Variants in PCDHGA8 observed in about 807,000 individuals in gnomAD.
The protein encoded by PCDHGA8 is protocadherin gamma-A8.
PCDHGA8 carries 45 observed loss-of-function variants against 59.2 expected under a neutral mutation model. The ratio of observed to expected loss-of-function variants is 0.76; its 90% CI spans 0.60 to 0.98. PCDHGA8 has a LOEUF of 0.98. Ranked by LOEUF, PCDHGA8 falls within the 50% of genes least tolerant of loss-of-function variation. The pLI is 0.00. For synonymous variants in PCDHGA8, 531 were observed against 519.0 expected, an observed-to-expected ratio of 1.02 and a Z score of -0.32; for missense variants, 1,257 against 1,196.2, an observed-to-expected ratio of 1.05 and a Z score of -0.75.
At chr5:141,433,272 C>A in intron 1 of PCDHGA8, 1 of 1,252,410 alleles carries the variant, frequency 8.0e-7, no homozygotes, top group Non-Finnish European at 1.1e-6. Context: ...TAGCTCACTG[C>A]AGCCTCAAAC....
chr5:141,500,309 C>T (rs777434466), intron 2 of PCDHGA8, among the ~76,000 whole-genome samples: 2 of 151,602 alleles, frequency 1.3e-5, no homozygotes, highest in Non-Finnish European at 2.9e-5. Flanking sequence ...CCCAGGTTCA[C>T]GCCATGCTCC....
intron 1 of PCDHGA8, among the ~76,000 whole-genome samples, chr5:141,460,983 GTATATATATATA>G (rs59296681): frequency 7.3e-6 from 1 of 137,780 alleles, no homozygotes. Flanking sequence ...GTGTGTGTGT[GTATATATATATA>G]TGTGTATATA....
chr5:141,461,040 G>A (rs536064886), intron 1 of PCDHGA8, among the ~76,000 whole-genome samples: 123 of 150,514 alleles, frequency 8.2e-4, no homozygotes, highest in East Asian at 2.5e-3. Flanking sequence ...CTCATTAGTC[G>A]ATGGGGACTT....
chr5:141,510,954 T>G lies in PCDHGA8; in HGVS notation c.2580T>G (p.Ala860=), dbSNP rs774590102. The change falls in exon 4 of 4, where the codon GCT becomes GCG. Residue 860 remains alanine, a synonymous_variant. Coordinates refer to ENST00000398604, the MANE Select transcript of PCDHGA8 (RefSeq NM_032088.2). ...AMILASASEA[A]DGSSTLGGGA... ...CTTCCTCTGTCTCTGCAGAAGCTGC[T>G]GATGGGAGCTCCACCCTGGGAGGGG... is the stretch of plus-strand genomic sequence containing the variant. The G allele has an allele frequency of 3.1e-6, 5 of 1,614,162 alleles. No homozygotes were observed. The Admixed American group carries it at 8.3e-5, about 27-fold the overall frequency.
In PCDHGA8 at chr5:141,393,324, CA is replaced by C. The variant is rs2092729145; in HGVS notation, c.512del (p.Gln171ArgfsTer20). 6.2e-7 allele frequency: 1 copy of C among 1,611,096 alleles called. No homozygotes were observed. Among genetic ancestry groups the C allele is most frequent in the African/African-American group, 1.4e-5 (1 of 73,374 alleles). ...DVGVNSLQSY[Q>X]LSPNHHFSLD... is the part of the protein sequence containing the mutation. ...GGGCGTGAACTCCCTCCAGAGCTAC[CA>C]GCTCAGCCCCAATCACCACTTCTCC... On this transcript the variant is annotated frameshift_variant, in exon 1 of 4. Coordinates refer to ENST00000398604, the MANE Select transcript of PCDHGA8 (RefSeq NM_032088.2). LOFTEE classifies it high-confidence loss of function.
intron 1 of PCDHGA8, among the ~76,000 whole-genome samples, chr5:141,464,934 G>T (rs1353581045): frequency 1.3e-5 from 2 of 151,416 alleles, no homozygotes; most frequent in African/African-American, 4.8e-5. Flanking sequence ...GAGATGTGAG[G>T]TCTCACTATG....
chr5:141,438,631 TATATACACACAC>T (rs1290318462), intron 1 of PCDHGA8, among the ~76,000 whole-genome samples: 214 of 43,192 alleles, frequency 5.0e-3, no homozygotes, highest in Non-Finnish European at 6.1e-3. Flanking sequence ...TATATATATA[TATATACACACAC>T]ACACACACAT....
chr5:141,421,277 T>C (rs761435958), intron 1 of PCDHGA8: 2 of 1,612,826 alleles, frequency 1.2e-6, no homozygotes, highest in Non-Finnish European at 1.7e-6. Flanking sequence ...CTGCTGCTGC[T>C]GTGCATTTTC....
At chr5:141,494,729 C>A in intron 1 of PCDHGA8, 78 bp from the exon 2 acceptor site, 1 of 1,610,166 alleles carries the variant, frequency 6.2e-7, no homozygotes. Context: ...CCTTCTCTCC[C>A]GGCCCATCCC....
chr5:141,482,728 A>T (rs192207285), intron 1 of PCDHGA8, among the ~76,000 whole-genome samples: 97 of 128,396 alleles, frequency 7.6e-4, no homozygotes, highest in Admixed American at 3.3e-3. Context: ...GGGCCATTGC[A>T]AGAAATTCCA....
intron 1 of PCDHGA8, among the ~76,000 whole-genome samples, chr5:141,488,133 G>T (rs1046071550): frequency 6.6e-6 from 1 of 152,198 alleles, no homozygotes; most frequent in Non-Finnish European, 1.5e-5. Context: ...AGAAAGAGGA[G>T]AGAACTAAAG....
In PCDHGA8 at chr5:141,431,129, A is replaced by G. The variant is rs771219303; in HGVS notation, c.2424+35892A>G. The G allele has an allele frequency of 7.4e-6, 12 of 1,614,152 alleles. No homozygotes were observed. The Admixed American group carries it at 1.7e-4, about 22-fold the overall frequency. Reference sequence around the variant, plus strand: ...AATATATGGAGTAGAAGTAGAAGTAAGGGACATTAACGACAATGCGCCTTA... The same window carrying G: ...AATATATGGAGTAGAAGTAGAAGTAGGGGACATTAACGACAATGCGCCTTA... On this transcript the variant is annotated intron_variant, in intron 1 of 3. Coordinates refer to ENST00000398604, the MANE Select transcript of PCDHGA8 (RefSeq NM_032088.2). The surrounding 1 kb of genome is among the most constrained non-coding windows in gnomAD (Gnocchi z 4.8).
chr5:141,482,995 G>A (rs1395482427), intron 1 of PCDHGA8, among the ~76,000 whole-genome samples: 1 of 152,048 alleles, frequency 6.6e-6, no homozygotes, highest in Non-Finnish European at 1.5e-5. Flanking sequence ...CGAGGCAGGA[G>A]AATTGCTTGA....
chr5:141,404,314 A>G (rs772060934), intron 1 of PCDHGA8: 1 of 1,613,922 alleles, frequency 6.2e-7, no homozygotes, highest in East Asian at 2.2e-5. Context: ...CTTTCTCTCA[A>G]GCCTCCTACT....
At chr5:141,418,066 C>T (rs777602456) in intron 1 of PCDHGA8, 1 of 1,613,980 alleles carries the variant, frequency 6.2e-7, no homozygotes, top group Non-Finnish European at 8.5e-7. Flanking sequence ...TGCGAGTGAG[C>T]GCGGAGAAGC....
At position 141,431,359 on chromosome 5, in the gene PCDHGA8, G is replaced by C; in HGVS notation, c.2424+36122G>C. ...CCGAATTGGTGCTGAAACGCGCCCT[G>C]GACCGCGAAGAAAAGGCTGCTCACC... On this transcript the variant is annotated intron_variant, in intron 1 of 3. Coordinates refer to ENST00000398604, the MANE Select transcript of PCDHGA8 (RefSeq NM_032088.2). This position sits in a 1 kb window ranked among gnomAD's most constrained non-coding sequence, Gnocchi z 4.8. The C allele has an allele frequency of 6.2e-7, 1 of 1,614,024 alleles. No homozygotes were observed. Among genetic ancestry groups the C allele is most frequent in the Non-Finnish European group, 8.5e-7 (1 of 1,180,030 alleles).
chr5:141,443,555 C>T (rs1284929219), intron 1 of PCDHGA8, among the ~76,000 whole-genome samples: 1 of 152,130 alleles, frequency 6.6e-6, no homozygotes, highest in East Asian at 1.9e-4. Flanking sequence ...TGTTCCAATT[C>T]AAATGCTTTA....
At chr5:141,499,021 GAAGGAAGA>G (rs1193940810) in intron 2 of PCDHGA8, among the ~76,000 whole-genome samples, 2 of 140,162 alleles carry the variant, frequency 1.4e-5, no homozygotes, top group East Asian at 2.1e-4. Flanking sequence ...AGGAAGGAAG[GAAGGAAGA>G]AAAGAAAGAA....
intron 1 of PCDHGA8, chr5:141,414,343 A>G: frequency 1.9e-6 from 3 of 1,613,882 alleles, no homozygotes; most frequent in Non-Finnish European, 2.5e-6. Flanking sequence ...AACCTGTTCC[A>G]TTTTGGCGTA....
Sources: gnomAD v4.1 joint callset for allele counts (sites outside exome capture counted in the v4.1 genomes callset) on GRCh38, gnomAD v4.1.1 for gene constraint, Gnocchi (gnomAD v3.1) non-coding constraint, MANE v1.5 for transcripts, NCBI Gene and HGNC (gene_info 2026-07-23, HGNC 2026-07-21) for gene names.